The following TMEM232 variants were observed in gnomAD, a reference collection of about 807,000 sequenced individuals.
TMEM232 encodes transmembrane protein 232.
A neutral mutation model predicts 78.8 loss-of-function variants in TMEM232; 80 were observed. That is an observed-to-expected ratio of 1.01 (90% CI 0.85 to 1.22). TMEM232 has a LOEUF of 1.22. Ranked by LOEUF, TMEM232 falls within the 50% of genes most tolerant of loss-of-function variation. TMEM232 has a pLI of 0.00. For synonymous variants in TMEM232, 297 were observed against 254.3 expected, an observed-to-expected ratio of 1.17 and a Z score of -1.60; for missense variants, 881 against 742.2, an observed-to-expected ratio of 1.19 and a Z score of -2.17.
intron 1 of TMEM232, among the ~76,000 whole-genome samples, chr5:110,697,122 A>G (rs935349683): frequency 6.6e-6 from 1 of 152,192 alleles, no homozygotes; most frequent in Non-Finnish European, 1.5e-5. Flanking sequence ...GGAACACAAC[A>G]GAGCCCTCAG....
intron 12 of TMEM232, among the ~76,000 whole-genome samples, chr5:110,483,745 A>G (rs1205003303): frequency 1.3e-5 from 2 of 150,418 alleles, no homozygotes; most frequent in Non-Finnish European, 2.9e-5. Context: ...AACTTAAAGT[A>G]TAATAAAAAA....
chr5:110,489,350 G>C (rs1764789914), intron 12 of TMEM232, among the ~76,000 whole-genome samples: 1 of 151,982 alleles, frequency 6.6e-6, no homozygotes, highest in South Asian at 2.1e-4. Flanking sequence ...AGGAATGAAA[G>C]GTGGTCTAAC....
At chr5:110,601,061 T>A (rs1255096812) in intron 10 of TMEM232, among the ~76,000 whole-genome samples, 1 of 152,178 alleles carries the variant, frequency 6.6e-6, no homozygotes, top group East Asian at 1.9e-4. Flanking sequence ...AAAAGCCACA[T>A]GATTATCTCA....
intron 12 of TMEM232, among the ~76,000 whole-genome samples, chr5:110,483,250 TTTATAAG>T (rs1257217735): frequency 6.6e-6 from 1 of 152,096 alleles, no homozygotes; most frequent in Non-Finnish European, 1.5e-5. Flanking sequence ...GAACTAATTT[TTTATAAG>T]TTATAATATA....
At chr5:110,531,925 C>G (rs535452801) in intron 11 of TMEM232, among the ~76,000 whole-genome samples, 3 of 152,130 alleles carry the variant, frequency 2.0e-5, no homozygotes, top group African/African-American at 7.2e-5. Context: ...AAATTCTGAC[C>G]CTCAAACTCC....
At chr5:110,552,772 T>C (rs1774622592) in intron 11 of TMEM232, among the ~76,000 whole-genome samples, 1 of 152,018 alleles carries the variant, frequency 6.6e-6, no homozygotes, top group Non-Finnish European at 1.5e-5. Context: ...TCATTAAACA[T>C]AATTAAGAGA....
At chr5:110,529,068 A>C (rs1012130130) in intron 11 of TMEM232, among the ~76,000 whole-genome samples, 4 of 152,196 alleles carry the variant, frequency 2.6e-5, no homozygotes, top group African/African-American at 9.6e-5. Context: ...TGAAATTTTG[A>C]AAATTTAGTT....
chr5:110,624,437 G>A (rs780776119), intron 7 of TMEM232, among the ~76,000 whole-genome samples: 27 of 152,080 alleles, frequency 1.8e-4, no homozygotes, highest in Non-Finnish European at 2.8e-4. Context: ...GGCGAGATTG[G>A]TGGGCCTCTC....
intron 11 of TMEM232, among the ~76,000 whole-genome samples, chr5:110,554,243 T>A (rs1774804008): frequency 6.6e-6 from 1 of 152,092 alleles, no homozygotes; most frequent in Admixed American, 6.6e-5. Flanking sequence ...GGCTAGAATA[T>A]AAGCAGGCAG....
chr5:110,690,294 TAAAC>T (rs756298214), intron 1 of TMEM232, among the ~76,000 whole-genome samples: 2 of 151,760 alleles, frequency 1.3e-5, no homozygotes, highest in Non-Finnish European at 2.9e-5. Flanking sequence ...TTACAAGAAA[TAAAC>T]AACCCCTTCA....
rs1215420141 is a variant in TMEM232, at chr5:110,622,235, T to C, written c.768+3032A>G. ...CACAAAATGTCCCAAACTTAGGTAA[T>C]GCCTTTGGCTTATCAAAAAGTATTA... is the stretch of plus-strand genomic sequence containing the variant. On this transcript the variant is annotated intron_variant, in intron 7 of 13. Coordinates refer to ENST00000455884, the MANE Select transcript of TMEM232 (RefSeq NM_001039763.4). Among the ~76,000 whole-genome samples the C allele has an allele frequency of 3.3e-5, 5 of 152,218 alleles. No homozygotes were observed. In the East Asian group the frequency reaches 7.7e-4, roughly 23 times the overall value.
At chr5:110,634,127 C>G (rs754869113) in intron 5 of TMEM232, among the ~76,000 whole-genome samples, 17 of 151,950 alleles carry the variant, frequency 1.1e-4, no homozygotes, top group Non-Finnish European at 2.2e-4. Context: ...ACAAAGGAAT[C>G]AATCCAGGAA....
At chr5:110,594,899 C>G (rs529125936) in intron 10 of TMEM232, among the ~76,000 whole-genome samples, 1 of 152,350 alleles carries the variant, frequency 6.6e-6, no homozygotes, top group Admixed American at 6.5e-5. Flanking sequence ...CAGCGGATCT[C>G]TCAGCACAGT....
At chr5:110,584,590 T>C (rs1376144270) in intron 10 of TMEM232, among the ~76,000 whole-genome samples, 4 of 152,120 alleles carry the variant, frequency 2.6e-5, no homozygotes, top group Admixed American at 6.6e-5. Context: ...ATTGTGTCTC[T>C]AGATGCAGGA....
intron 10 of TMEM232, among the ~76,000 whole-genome samples, chr5:110,589,548 T>C (rs148327971): frequency 0.034 from 5,169 of 152,282 alleles, 132 homozygotes; most frequent in African/African-American, 0.065. Context: ...GTTATTAGTA[T>C]GGACTCCAAA....
chr5:110,418,885 CAG>C (rs2112597636), downstream of TMEM232, among the ~76,000 whole-genome samples: 1 of 152,276 alleles, frequency 6.6e-6, no homozygotes, highest in South Asian at 2.1e-4. Context: ...GTTAGATCTC[CAG>C]AGTCCCCTTA....
At chr5:110,706,537 C>T (rs1795947986) in intron 1 of TMEM232, among the ~76,000 whole-genome samples, 1 of 152,134 alleles carries the variant, frequency 6.6e-6, no homozygotes, top group Non-Finnish European at 1.5e-5. Flanking sequence ...ACACAGAATG[C>T]GTATAAAGGT....
chr5:110,479,616 C>A (rs1030235699), intron 12 of TMEM232, among the ~76,000 whole-genome samples: 5 of 151,802 alleles, frequency 3.3e-5, no homozygotes, highest in African/African-American at 1.2e-4. Context: ...TGATCATTCT[C>A]ATTTTATTAA....
At chr5:110,563,833 C>G (rs1776029632) in intron 11 of TMEM232, among the ~76,000 whole-genome samples, 1 of 151,816 alleles carries the variant, frequency 6.6e-6, no homozygotes, top group African/African-American at 2.4e-5. Flanking sequence ...AAAAGCACGT[C>G]CATGAAATTC....
Sources: allele counts gnomAD v4.1 joint callset (sites outside exome capture counted in the v4.1 genomes callset), GRCh38; gene constraint gnomAD v4.1.1; transcripts MANE v1.5; gene names NCBI Gene and HGNC (gene_info 2026-07-23, HGNC 2026-07-21).